IMPG1: variants seen among roughly 807,000 people sequenced by gnomAD.
IMPG1 encodes interphotoreceptor matrix proteoglycan 1, also known as interphotoreceptor matrix proteoglycan of 150 kDa.
A neutral mutation model predicts 92.0 loss-of-function variants in IMPG1; 85 were observed. The ratio of observed to expected loss-of-function variants is 0.92; its 90% CI spans 0.78 to 1.11. The LOEUF (loss-of-function observed/expected upper bound fraction) is 1.11. Ranked by LOEUF, IMPG1 falls within the 50% of genes least tolerant of loss-of-function variation. The pLI, the probability that IMPG1 is intolerant of heterozygous loss-of-function variation, is 0.00. For synonymous variants in IMPG1, 367 were observed against 334.1 expected (o/e 1.10, Z -1.08); for missense variants, 1,022 against 956.0 (o/e 1.07, Z -0.91).
At chr6:76,039,766 T>A (rs1291045743) in intron 2 of IMPG1, among the ~76,000 whole-genome samples, 1 of 152,170 alleles carries the variant, frequency 6.6e-6, no homozygotes, top group Non-Finnish European at 1.5e-5. Flanking sequence ...AGCAGGAAAT[T>A]TGGCTGGGGC....
intron 2 of IMPG1, among the ~76,000 whole-genome samples, chr6:76,039,027 G>A (rs1182089350): frequency 6.6e-6 from 1 of 152,198 alleles, no homozygotes; most frequent in Non-Finnish European, 1.5e-5. Flanking sequence ...TTCTACCCCC[G>A]TTCTGCTGCC....
chr6:76,021,329 C>T (rs551943409), intron 6 of IMPG1, among the ~76,000 whole-genome samples: 1 of 152,204 alleles, frequency 6.6e-6, no homozygotes, highest in Admixed American at 6.5e-5. Flanking sequence ...ATGTCTCATG[C>T]CTCCCTAAAA....
At chr6:75,932,262 T>A (rs536806022) in intron 14 of IMPG1, among the ~76,000 whole-genome samples, 1 of 152,204 alleles carries the variant, frequency 6.6e-6, no homozygotes, top group Non-Finnish European at 1.5e-5. Flanking sequence ...GGGGAGCTAT[T>A]GGACCACTTT....
chr6:76,022,266 G>A (rs751367531), intron 5 of IMPG1, 47 bp from the exon 6 acceptor site: 1 of 1,052,912 alleles, frequency 9.5e-7, no homozygotes, highest in Non-Finnish European at 1.4e-6. Flanking sequence ...GAATGGAGGA[G>A]TTTAAATTAG....
intron 1 of IMPG1, among the ~76,000 whole-genome samples, chr6:76,065,053 TACAAC>T (rs1784285563): frequency 1.3e-5 from 2 of 151,896 alleles, no homozygotes; most frequent in African/African-American, 4.8e-5. Flanking sequence ...ATAATGTATA[TACAAC>T]ATACATTATA....
At chr6:76,021,598 T>C (rs1783425280) in intron 6 of IMPG1, among the ~76,000 whole-genome samples, 1 of 151,624 alleles carries the variant, frequency 6.6e-6, no homozygotes, top group African/African-American at 2.4e-5. Context: ...GAACACTGTG[T>C]TTATTTTTCC....
intron 1 of IMPG1, among the ~76,000 whole-genome samples, chr6:76,044,500 C>T (rs1365882562): frequency 6.6e-6 from 1 of 152,136 alleles, no homozygotes; most frequent in Non-Finnish European, 1.5e-5. Context: ...ACCTTGTCAT[C>T]ACCACAGTCT....
Position 76,069,813 on chromosome 6 carries a change from A to G in IMPG1, c.67+2609T>C, listed in dbSNP as rs1784377139. Among the ~76,000 whole-genome samples the G allele has an allele frequency of 3.3e-5, 5 of 152,294 alleles. No individual in the cohort carries two copies. In the South Asian group the frequency reaches 1.0e-3, roughly 32 times the overall value. ...GCAGCCATAAAACAAACCAAAAATG[A>G]AATCATGTCTTTTGCAACAACATGA... On this transcript the variant is annotated intron_variant, in intron 1 of 16. Coordinates refer to ENST00000369950, the MANE Select transcript of IMPG1 (RefSeq NM_001563.4).
At chr6:76,064,531 C>T (rs1391080863) in intron 1 of IMPG1, among the ~76,000 whole-genome samples, 1 of 152,074 alleles carries the variant, frequency 6.6e-6, no homozygotes, top group Non-Finnish European at 1.5e-5. Flanking sequence ...AGCTCCCTCT[C>T]CTCACTGGGG....
At chr6:75,977,366 TC>T (rs1782556083) in intron 12 of IMPG1, among the ~76,000 whole-genome samples, 1 of 152,108 alleles carries the variant, frequency 6.6e-6, no homozygotes, top group Non-Finnish European at 1.5e-5. Flanking sequence ...GGCGGGCAGA[TC>T]AATTGAGATT....
At chr6:75,965,195 TTCTC>T (rs1368367244) in intron 12 of IMPG1, among the ~76,000 whole-genome samples, 2 of 152,216 alleles carry the variant, frequency 1.3e-5, no homozygotes, top group Non-Finnish European at 2.9e-5. Context: ...CATGTTTTCT[TTCTC>T]TATAATAAAT....
intron 14 of IMPG1, among the ~76,000 whole-genome samples, chr6:75,944,454 C>T (rs887907859): frequency 6.6e-6 from 1 of 152,208 alleles, no homozygotes; most frequent in African/African-American, 2.4e-5. Context: ...CTTACTAATT[C>T]TGCTGTCCTC....
intron 12 of IMPG1, among the ~76,000 whole-genome samples, chr6:75,955,441 T>A (rs1197720121): frequency 1.3e-5 from 2 of 152,196 alleles, no homozygotes; most frequent in Non-Finnish European, 2.9e-5. Context: ...TAGAAATACT[T>A]GTGATTTTTG....
chr6:76,010,142 A>G (rs183300021), intron 8 of IMPG1, among the ~76,000 whole-genome samples: 3 of 152,356 alleles, frequency 2.0e-5, no homozygotes, highest in South Asian at 4.1e-4. Context: ...TAGCTTTGAA[A>G]GAAATAAACC....
At chr6:76,021,738 T>A (rs552280167) in intron 6 of IMPG1, among the ~76,000 whole-genome samples, 1 of 139,160 alleles carries the variant, frequency 7.2e-6, no homozygotes, top group Non-Finnish European at 1.5e-5. Flanking sequence ...AAGAGCTTCA[T>A]GATTGATTGA....
intron 1 of IMPG1, among the ~76,000 whole-genome samples, chr6:76,052,084 G>T (rs1784052281): frequency 6.6e-6 from 1 of 152,270 alleles, no homozygotes; most frequent in African/African-American, 2.4e-5. Context: ...TGTAGTGAGT[G>T]GGTAGGAACA....
chr6:75,952,686 G>A (rs1334632975), intron 12 of IMPG1, among the ~76,000 whole-genome samples: 4 of 152,174 alleles, frequency 2.6e-5, no homozygotes, highest in African/African-American at 9.7e-5. Flanking sequence ...TCCCCAATGT[G>A]ATGATATTTG....
intron 15 of IMPG1, among the ~76,000 whole-genome samples, chr6:75,930,515 A>G (rs1236665643): frequency 6.6e-6 from 1 of 152,214 alleles, no homozygotes; most frequent in African/African-American, 2.4e-5. Flanking sequence ...GTAATTTTCT[A>G]TATTTCCCAG....
At chr6:76,053,107 C>T (rs1784069751) in intron 1 of IMPG1, among the ~76,000 whole-genome samples, 1 of 152,180 alleles carries the variant, frequency 6.6e-6, no homozygotes, top group Non-Finnish European at 1.5e-5. Context: ...TTTTTTACTG[C>T]TCTGCCTCCC....
Sources: gnomAD v4.1 joint callset for allele counts (sites outside exome capture counted in the v4.1 genomes callset) on GRCh38, gnomAD v4.1.1 for gene constraint, MANE v1.5 for transcripts, NCBI Gene and HGNC (gene_info 2026-07-23, HGNC 2026-07-21) for gene names.